STARD3: variants seen among roughly 807,000 people sequenced by gnomAD.
The protein encoded by STARD3 is StAR related lipid transfer domain containing 3, also known as stAR-related lipid transfer protein 3.
A neutral mutation model predicts 62.0 loss-of-function variants in STARD3; 39 were observed. The ratio of observed to expected loss-of-function variants is 0.63; its 90% CI spans 0.49 to 0.82. The LOEUF (loss-of-function observed/expected upper bound fraction) is 0.82. STARD3 is among the 40% of genes least tolerant of loss of function. STARD3 has a pLI of 0.00. For synonymous variants in STARD3, 229 were observed against 242.4 expected (o/e 0.94, Z 0.51); for missense variants, 543 against 584.5 (o/e 0.93, Z 0.73).
At chr17:39,648,758 A>G (rs2057050105) in intron 1 of STARD3, among the ~76,000 whole-genome samples, 1 of 152,078 alleles carries the variant, frequency 6.6e-6, no homozygotes, top group Non-Finnish European at 1.5e-5. Flanking sequence ...ACTCCCTGGC[A>G]TATTTCAACT....
intron 1 of STARD3, among the ~76,000 whole-genome samples, chr17:39,642,029 G>C (rs559564209): frequency 1.3e-5 from 2 of 152,196 alleles, no homozygotes; most frequent in Admixed American, 6.5e-5. Flanking sequence ...GCTCTGCCCC[G>C]GAGGTGACAT....
chr17:39,660,738 G>T lies in STARD3; in HGVS notation c.955-72G>T, dbSNP rs1597800710. 9.9e-6 allele frequency: 15 copies of T among 1,514,150 alleles called. No individual in the cohort carries two copies. The South Asian group carries it at 1.9e-4, about 19-fold the overall frequency. The allele number at this position is 1,514,150 out of a possible 1,614,324, so 93.8% of individuals were successfully genotyped here. A position where few individuals can be genotyped will look rare whatever the true frequency, so the allele number is the denominator to read the frequency against. ...TGTGGCAATAGCAGTTAGTAAAGGG[G>T]CCTGGGGTGTTCCCATCCCTGGGGT... is the stretch of plus-strand genomic sequence containing the variant. On this transcript the variant is annotated intron_variant, in intron 11 of 14. Coordinates refer to ENST00000336308, the MANE Select transcript of STARD3 (RefSeq NM_006804.4). The surrounding 1 kb of genome is among the most constrained non-coding windows in gnomAD (Gnocchi z 4.8).
In STARD3 at chr17:39,660,137, G is replaced by T. The variant is rs776143456; in HGVS notation, c.796-74G>T. 4.6e-6 allele frequency: 7 copies of T among 1,515,400 alleles called. No individual in the cohort carries two copies. The South Asian group carries it at 7.9e-5, about 17-fold the overall frequency. The allele number at this position is 1,515,400 out of a possible 1,614,324, so 93.9% of individuals were successfully genotyped here. On this transcript the variant is annotated intron_variant, in intron 9 of 14. Transcript: ENST00000336308. This position sits in a 1 kb window ranked among gnomAD's most constrained non-coding sequence, Gnocchi z 4.8. The stretch of plus-strand genomic sequence containing the variant: ...GAGCTGTTAAAAACCTGCCCTGCCT[G>T]TCACCCATTTCTGTGCCACCAGCCC...
chr17:39,663,029 C>G lies in STARD3; in HGVS notation c.*121C>G, dbSNP rs746032564. The G allele has an allele frequency of 1.7e-5, 17 of 1,023,116 alleles. No individual in the cohort carries two copies. Among genetic ancestry groups the G allele is most frequent in the Non-Finnish European group, 2.2e-5 (16 of 716,812 alleles). 63.4% of individuals were successfully genotyped at this position (1,023,116 alleles called of 1,614,324 possible). A position where few individuals can be genotyped will look rare whatever the true frequency, so the allele number is the denominator to read the frequency against. On this transcript the variant is annotated 3_prime_UTR_variant, in exon 15 of 15. Coordinates refer to ENST00000336308, the MANE Select transcript of STARD3 (RefSeq NM_006804.4). ...CTGGCCCCAGGCTGTCACCCTCCAC[C>G]GAGCCACGCAGTGCCTGGAGTTGAC...
Position 39,663,986 on chromosome 17 carries a change from C to T in STARD3, c.*1078C>T, listed in dbSNP as rs2057231405. The stretch of plus-strand genomic sequence containing the variant: ...AGGGCGGGGCCAGGCCACTGCCTGC[C>T]TTCCTCCTCCCTCCCGGCTGGCCTG... On this transcript the variant is annotated 3_prime_UTR_variant, in exon 15 of 15. Coordinates refer to ENST00000336308, the MANE Select transcript of STARD3 (RefSeq NM_006804.4). Among the ~76,000 whole-genome samples, 1 of 152,196 alleles carries T rather than the reference C, an allele frequency of 6.6e-6. No individual in the cohort carries two copies. The highest frequency in any genetic ancestry group is 2.1e-4 in the South Asian group (1 of 4,832).
At position 39,659,060 on chromosome 17, in the gene STARD3, A is replaced by G; in HGVS notation, c.656A>G (p.Asn219Ser). ...SPPESFAGSD[N>S]ESDEEVAGKK... ...TGCCTGTTTTCTGCAGGGTCTGACA[A>G]TGAATCAGATGAAGAAGTTGCTGGG... Residue 219 changes from asparagine (N) to serine (S), a missense_variant, in exon 8 of 15, where the codon AAT becomes AGT. Coordinates refer to ENST00000336308, the MANE Select transcript of STARD3 (RefSeq NM_006804.4). 1 of 1,614,164 alleles carries G rather than the reference A, an allele frequency of 6.2e-7. No individual in the cohort carries two copies. Among genetic ancestry groups the G allele is most frequent in the Non-Finnish European group, 8.5e-7 (1 of 1,180,024 alleles).
Position 39,660,906 on chromosome 17 carries a change from C to CCCCCTCCTTTCAGCCAGGT in STARD3, c.1034+19_1034+37dup. 2.5e-6 allele frequency: 4 copies of CCCCCTCCTTTCAGCCAGGT among 1,605,306 alleles called. No individual in the cohort carries two copies. Among genetic ancestry groups the CCCCCTCCTTTCAGCCAGGT allele is most frequent in the Non-Finnish European group, 3.4e-6 (4 of 1,173,760 alleles). ...CTCCCCAAGGTGAGTCCATGCCGGG[C>CCCCCTCCTTTCAGCCAGGT]CCCCTCCTTTCAGCCAGGTCTTCTG... On this transcript the variant is annotated intron_variant, in intron 12 of 14. Coordinates refer to ENST00000336308, the MANE Select transcript of STARD3 (RefSeq NM_006804.4). The surrounding 1 kb of genome is among the most constrained non-coding windows in gnomAD (Gnocchi z 4.8).
intron 1 of STARD3, among the ~76,000 whole-genome samples, chr17:39,643,947 A>G (rs989442574): frequency 1.4e-4 from 22 of 152,344 alleles, no homozygotes; most frequent in Non-Finnish European, 3.1e-4. Flanking sequence ...AGGCATGGTG[A>G]GGTTAAGTGA....
Position 39,660,597 on chromosome 17 carries a change from C to T in STARD3, c.954+71C>T, listed in dbSNP as rs957364763. 2.6e-6 allele frequency: 4 copies of T among 1,534,768 alleles called. No individual in the cohort carries two copies. The highest frequency in any genetic ancestry group is 1.7e-5 in the Admixed American group (1 of 59,608). On this transcript the variant is annotated intron_variant, in intron 11 of 14. Coordinates refer to ENST00000336308, the MANE Select transcript of STARD3 (RefSeq NM_006804.4). This position sits in a 1 kb window ranked among gnomAD's most constrained non-coding sequence, Gnocchi z 4.8. Reference sequence around the variant, plus strand: ...CCACGCCTCAGTGGGATCACTGAAGCACTCAGCGCCTCAGCTGCCCCATCT... The same window carrying T: ...CCACGCCTCAGTGGGATCACTGAAGTACTCAGCGCCTCAGCTGCCCCATCT...
At chr17:39,656,941 G>A (rs936822113) in intron 2 of STARD3, 67 bp from the exon 3 acceptor site, 7 of 1,511,012 alleles carry the variant, frequency 4.6e-6, no homozygotes, top group Admixed American at 3.4e-5. Flanking sequence ...TGCCCCTTCC[G>A]GGAGGTGAGG....
Position 39,653,633 on chromosome 17 carries a change from G to C in STARD3, c.102G>C (p.Ser34=), listed in dbSNP as rs763291078. The change falls in exon 2 of 15, where the codon TCG becomes TCC. Residue 34 remains serine (S), a synonymous_variant. Transcript: ENST00000336308. ...TGTCCCACAGCCAGAGCCTCTCCTC[G>C]CACCTCCTTCCGCCGCCTGAGAAGC... The part of the protein sequence containing the change: ...SSLSHSQSLS[S]HLLPPPEKRR... 5.6e-6 allele frequency: 9 copies of C among 1,613,662 alleles called. No individual in the cohort carries two copies. The African/African-American group carries it at 6.7e-5, about 12-fold the overall frequency.
chr17:39,660,011 G>A lies in STARD3; in HGVS notation c.796-200G>A, dbSNP rs936630877. On this transcript the variant is annotated intron_variant, in intron 9 of 14. Coordinates refer to ENST00000336308, the MANE Select transcript of STARD3 (RefSeq NM_006804.4). The surrounding 1 kb of genome is among the most constrained non-coding windows in gnomAD (Gnocchi z 4.8). ...CAGCTGTCCCCCCGTCTTTTAACTC[G>A]ACATCAAAAGCCTCTCTCCTGCCAG... The A allele has an allele frequency of 1.5e-5, 9 of 597,400 alleles. No individual in the cohort carries two copies. The highest frequency in any genetic ancestry group is 3.7e-5 in the African/African-American group (2 of 53,740). The allele number at this position is 597,400 out of a possible 1,614,324, so 37.0% of individuals were successfully genotyped here.
intron 1 of STARD3, among the ~76,000 whole-genome samples, chr17:39,651,372 C>T (rs1193823387): frequency 6.6e-6 from 1 of 152,170 alleles, no homozygotes; most frequent in Non-Finnish European, 1.5e-5. Context: ...GGCAGGACAC[C>T]TCAGGAGGGG....
Position 39,660,562 on chromosome 17 carries a change from G to T in STARD3, c.954+36G>T, listed in dbSNP as rs747453810. On this transcript the variant is annotated intron_variant, in intron 11 of 14. Coordinates refer to ENST00000336308, the MANE Select transcript of STARD3 (RefSeq NM_006804.4). This position sits in a 1 kb window ranked among gnomAD's most constrained non-coding sequence, Gnocchi z 4.8. ...TCTGGCTGCCTCTTAAGGCACAGAT[G>T]GGGGCACAGCCACGCCTCAGTGGGA... The T allele has an allele frequency of 6.2e-7, 1 of 1,606,436 alleles. No individual in the cohort carries two copies. Among genetic ancestry groups the T allele is most frequent in the Non-Finnish European group, 8.5e-7 (1 of 1,173,642 alleles).
intron 1 of STARD3, among the ~76,000 whole-genome samples, chr17:39,649,337 G>A (rs901552587): frequency 2.6e-5 from 4 of 152,120 alleles, no homozygotes; most frequent in Non-Finnish European, 2.9e-5. Context: ...ATATATATGC[G>A]CTCAAGGTTA....
chr17:39,657,205 C>G, intron 3 of STARD3, 120 bp downstream of exon 3: 1 of 957,516 alleles, frequency 1.0e-6, no homozygotes, highest in African/African-American at 1.6e-5. Context: ...GGCTCCCATC[C>G]TTCGGGAGCC....
chr17:39,660,944 G>A lies in STARD3; in HGVS notation c.1035-37G>A, dbSNP rs780508078. 8 of 1,611,386 alleles carry A rather than the reference G, an allele frequency of 5.0e-6. No homozygotes were observed. The highest frequency in any genetic ancestry group is 1.7e-5 in the Admixed American group (1 of 59,946). On this transcript the variant is annotated intron_variant, in intron 12 of 14. Coordinates refer to ENST00000336308, the MANE Select transcript of STARD3 (RefSeq NM_006804.4). This position sits in a 1 kb window ranked among gnomAD's most constrained non-coding sequence, Gnocchi z 4.8. ...GCCAGGTCTTCTGCACTTTGGCCTT[G>A]GGTCATTGTCCCCTGAACTAACCCT...
In STARD3 at chr17:39,658,446, C is replaced by A; in HGVS notation, c.471C>A (p.Val157=). The A allele has an allele frequency of 6.2e-7, 1 of 1,614,192 alleles. No homozygotes were observed. The highest frequency in any genetic ancestry group is 8.5e-7 in the Non-Finnish European group (1 of 1,180,014). The part of the protein sequence containing the change: ...KGAFGYLLPI[V]SFVLAWLETW... The stretch of plus-strand genomic sequence containing the variant: ...CATTTGGCTACCTGCTCCCCATCGT[C>A]TCTTTTGTCCTCGCCTGGTTGGAGA... Residue 157 remains valine (V), a synonymous_variant, in exon 6 of 15, where the codon GTC becomes GTA. Coordinates refer to ENST00000336308, the MANE Select transcript of STARD3 (RefSeq NM_006804.4).
Position 39,657,764 on chromosome 17 carries a change from T to C in STARD3, c.298-11T>C, listed in dbSNP as rs1340226628. 1 of 1,613,996 alleles carries C rather than the reference T, an allele frequency of 6.2e-7. No homozygotes were observed. The highest frequency in any genetic ancestry group is 1.7e-5 in the Admixed American group (1 of 60,008). ...GCTTCCTGTGACTGCCTTGCTCCCG[T>C]CCCCCACCAGGTCCTGGCCTTCTTC... On this transcript the variant is annotated splice_polypyrimidine_tract_variant and intron_variant, in intron 3 of 14. Transcript: ENST00000336308.
Sources: gnomAD v4.1 joint callset for allele counts (sites outside exome capture counted in the v4.1 genomes callset) on GRCh38, gnomAD v4.1.1 for gene constraint, Gnocchi (gnomAD v3.1) non-coding constraint, MANE v1.5 for transcripts, NCBI Gene and HGNC (gene_info 2026-07-23, HGNC 2026-07-21) for gene names.